Variants in ANKFN1 observed in about 807,000 individuals in gnomAD.
The protein encoded by ANKFN1 is ankyrin repeat and fibronectin type III domain containing 1.
ANKFN1 carries 74 observed loss-of-function variants against 108.7 expected under a neutral mutation model. The ratio of observed to expected loss-of-function variants is 0.68; its 90% CI spans 0.56 to 0.83. The LOEUF is 0.83. ANKFN1 is among the 40% of genes least tolerant of loss of function. The probability of loss-of-function intolerance (pLI) is 0.00; values close to 1 mark genes in which losing one functional copy is unlikely to be tolerated. For synonymous variants in ANKFN1, 547 were observed against 516.2 expected (o/e 1.06, Z -0.81); for missense variants, 1,505 against 1,382.3 (o/e 1.09, Z -1.41).
intron 4 of ANKFN1, among the ~76,000 whole-genome samples, chr17:56,116,545 T>G (rs1022337991): frequency 6.6e-6 from 1 of 152,078 alleles, no homozygotes; most frequent in Non-Finnish European, 1.5e-5. Context: ...TTAGTTCCCA[T>G]GAAAACTGGT....
intron 8 of ANKFN1, among the ~76,000 whole-genome samples, chr17:56,388,395 G>C (rs2047335173): frequency 6.6e-6 from 1 of 151,944 alleles, no homozygotes; most frequent in Non-Finnish European, 1.5e-5. Context: ...GCCTCCCAAA[G>C]TGCTAGGATT....
At chr17:56,186,824 A>G (rs1382693380) in intron 1 of ANKFN1, among the ~76,000 whole-genome samples, 1 of 152,228 alleles carries the variant, frequency 6.6e-6, no homozygotes, top group Non-Finnish European at 1.5e-5. Context: ...GACAAAAACA[A>G]GAAACGGGGA....
At position 56,440,023 on chromosome 17, in the gene ANKFN1, A is replaced by C. The variant is rs143510411; in HGVS notation, c.911-304A>C. ...GAGCAATATATTTAATATAACTTAC[A>C]TCTGACATTAAGAACATCACATAAA... On this transcript the variant is annotated intron_variant, in intron 8 of 20. Coordinates refer to ENST00000682825, the MANE Select transcript of ANKFN1 (RefSeq NM_001370326.1). Among the ~76,000 whole-genome samples, 548 of 152,326 alleles carry C rather than the reference A, an allele frequency of 3.6e-3. 2 individuals are homozygous for C. Among genetic ancestry groups the C allele is most frequent in the Non-Finnish European group, 6.0e-3 (407 of 68,024 alleles).
intron 4 of ANKFN1, among the ~76,000 whole-genome samples, chr17:56,090,290 A>T (rs1277760252): frequency 6.6e-6 from 1 of 151,176 alleles, no homozygotes; most frequent in Non-Finnish European, 1.5e-5. Context: ...AGAGCTGAAA[A>T]TTTTGGAGGA....
At chr17:56,301,410 T>C (rs1346130820) in intron 3 of ANKFN1, among the ~76,000 whole-genome samples, 1 of 152,222 alleles carries the variant, frequency 6.6e-6, no homozygotes, top group Non-Finnish European at 1.5e-5. Flanking sequence ...CCATAATGGC[T>C]TGGTTTAATC....
intron 8 of ANKFN1, among the ~76,000 whole-genome samples, chr17:56,386,846 T>C (rs1443207887): frequency 6.6e-6 from 1 of 152,088 alleles, no homozygotes; most frequent in East Asian, 1.9e-4. Flanking sequence ...AGTCTTATTT[T>C]CTTATCAGCT....
At position 56,185,966 on chromosome 17, in the gene ANKFN1, G is replaced by GCA. The variant is rs796893755; in HGVS notation, c.-70-26631_-70-26630dup. On this transcript the variant is annotated intron_variant, in intron 1 of 20. Transcript: ENST00000682825. ...AAAAGCAATAGACCCATTAGTTTGG[G>GCA]CAGTTGTTTGGTCAAAAGAATTAAC... 4.1e-4 allele frequency among the ~76,000 whole-genome samples: 63 copies of GCA among 152,230 alleles called. No individual in the cohort carries two copies. In the South Asian group the frequency reaches 0.013, roughly 31 times the overall value.
intron 19 of ANKFN1, among the ~76,000 whole-genome samples, chr17:56,498,611 G>A (rs1333894796): frequency 6.6e-6 from 1 of 152,186 alleles, no homozygotes; most frequent in Non-Finnish European, 1.5e-5. Context: ...CTATGAGTTA[G>A]TATAGTGCTA....
chr17:56,149,044 T>G (rs1369131731), upstream of ANKFN1, among the ~76,000 whole-genome samples: 1 of 152,166 alleles, frequency 6.6e-6, no homozygotes, highest in African/African-American at 2.4e-5. Context: ...AGTCAAGACA[T>G]AAACTTGGGT....
chr17:56,502,898 G>A (rs1291414503), intron 20 of ANKFN1, among the ~76,000 whole-genome samples: 1 of 152,184 alleles, frequency 6.6e-6, no homozygotes, highest in Non-Finnish European at 1.5e-5. Flanking sequence ...GGAGTAGGTG[G>A]ATGGAGAATG....
intron 1 of ANKFN1, among the ~76,000 whole-genome samples, chr17:56,190,402 G>A (rs1912785158): frequency 2.7e-5 from 3 of 110,442 alleles, no homozygotes; most frequent in African/African-American, 1.1e-4. Context: ...CAGAGATTCT[G>A]GTATGTTGTG....
At chr17:56,440,045 TA>T (rs1568002629) in intron 8 of ANKFN1, among the ~76,000 whole-genome samples, 1 of 152,108 alleles carries the variant, frequency 6.6e-6, no homozygotes, top group Non-Finnish European at 1.5e-5. Context: ...GAACATCACA[TA>T]AATGTGCATG....
chr17:56,452,484 G>A (rs781719207), intron 11 of ANKFN1, among the ~76,000 whole-genome samples: 5 of 152,150 alleles, frequency 3.3e-5, no homozygotes, highest in Non-Finnish European at 7.4e-5. Context: ...CCACTGATCA[G>A]CTGGGAGTTC....
chr17:56,126,354 CAATG>C (rs1272116052), intron 4 of ANKFN1, among the ~76,000 whole-genome samples: 1 of 152,110 alleles, frequency 6.6e-6, no homozygotes, highest in African/African-American at 2.4e-5. Flanking sequence ...CAGCGGATCA[CAATG>C]AAGGCATGCT....
intron 8 of ANKFN1, among the ~76,000 whole-genome samples, chr17:56,388,531 C>A (rs1430093138): frequency 6.6e-6 from 1 of 152,180 alleles, no homozygotes; most frequent in East Asian, 1.9e-4. Flanking sequence ...CTTATTCTCT[C>A]AACATAGCTA....
At chr17:56,277,243 G>T (rs903964615) in intron 3 of ANKFN1, among the ~76,000 whole-genome samples, 13 of 152,114 alleles carry the variant, frequency 8.5e-5, no homozygotes, top group Admixed American at 7.2e-4. Flanking sequence ...AAGTAACTTT[G>T]ATCTCATTCT....
Position 56,186,528 on chromosome 17 carries a change from C to T in ANKFN1, c.-70-26070C>T, listed in dbSNP as rs150447351. Among the ~76,000 whole-genome samples, 58 of 152,342 alleles carry T rather than the reference C, an allele frequency of 3.8e-4. No individual in the cohort carries two copies. In the South Asian group the frequency reaches 5.0e-3, roughly 13 times the overall value. Reference sequence around the variant, plus strand: ...GTGCCAGAGCATTCCACGTTGTCCACTGTGACGCAAAAGAGCAAAAATGTA... The same window carrying T: ...GTGCCAGAGCATTCCACGTTGTCCATTGTGACGCAAAAGAGCAAAAATGTA... On this transcript the variant is annotated intron_variant, in intron 1 of 20. Transcript: ENST00000682825.
chr17:56,182,610 A>G (rs914308023), intron 1 of ANKFN1, among the ~76,000 whole-genome samples: 10 of 152,238 alleles, frequency 6.6e-5, no homozygotes, highest in Admixed American at 6.5e-5. Context: ...TCTTCATAAC[A>G]TAAATGCAAA....
intron 1 of ANKFN1, among the ~76,000 whole-genome samples, chr17:56,192,638 A>G (rs1246015578): frequency 1.7e-4 from 6 of 36,322 alleles, no homozygotes; most frequent in Admixed American, 3.2e-4. Context: ...GCAGCCAAAA[A>G]ACACATGAAA....
Sources: allele counts gnomAD v4.1 joint callset (sites outside exome capture counted in the v4.1 genomes callset), GRCh38; gene constraint gnomAD v4.1.1; transcripts MANE v1.5; gene names NCBI Gene and HGNC (gene_info 2026-07-23, HGNC 2026-07-21).